The following SHANK2 variants were observed in gnomAD, a reference collection of about 807,000 sequenced individuals.
SHANK2 encodes SH3 and multiple ankyrin repeat domains protein 2.
A neutral mutation model predicts 133.7 loss-of-function variants in SHANK2; 43 were observed. The ratio of observed to expected loss-of-function variants is 0.32; its 90% CI spans 0.25 to 0.41. SHANK2 has a LOEUF of 0.41. Among genes scored for constraint, SHANK2 ranks in the 10% least tolerant of loss-of-function variants. The pLI, the probability that SHANK2 is intolerant of heterozygous loss-of-function variation, is 1.00. For synonymous variants in SHANK2, 1,017 were observed against 952.8 expected (o/e 1.07, Z -1.24); for missense variants, 1,994 against 2,235.8 (o/e 0.89, Z 2.18).
chr11:70,560,634 G>A (rs747392165), intron 17 of SHANK2, among the ~76,000 whole-genome samples: 8 of 150,898 alleles, frequency 5.3e-5, no homozygotes, highest in African/African-American at 1.7e-4. Flanking sequence ...ACTTTTTTTC[G>A]TTTGTTTTTT....
intron 15 of SHANK2, among the ~76,000 whole-genome samples, chr11:70,672,065 T>C (rs1281613455): frequency 7.0e-5 from 9 of 128,244 alleles, no homozygotes; most frequent in South Asian, 2.3e-4. Flanking sequence ...CTTTTCTTTT[T>C]CTTTTTTTTT....
At chr11:70,691,261 C>T (rs916815146) in intron 15 of SHANK2, among the ~76,000 whole-genome samples, 3 of 151,862 alleles carry the variant, frequency 2.0e-5, no homozygotes, top group South Asian at 2.1e-4. Context: ...AGCAGGAGGA[C>T]GAGGAGAAGA....
intron 15 of SHANK2, among the ~76,000 whole-genome samples, chr11:70,695,049 C>G (rs781963782): frequency 6.6e-6 from 1 of 152,112 alleles, no homozygotes; most frequent in African/African-American, 2.4e-5. Flanking sequence ...GGATGAACAA[C>G]GATAATACCA....
At chr11:71,150,655 C>A (rs1369466238) in intron 2 of SHANK2, among the ~76,000 whole-genome samples, 1 of 151,968 alleles carries the variant, frequency 6.6e-6, no homozygotes, top group African/African-American at 2.4e-5. Context: ...TCATGTCCAG[C>A]GCATGTTCTT....
intron 2 of SHANK2, among the ~76,000 whole-genome samples, chr11:71,179,502 C>T (rs1235484120): frequency 6.6e-6 from 1 of 152,184 alleles, no homozygotes; most frequent in Non-Finnish European, 1.5e-5. Flanking sequence ...CAGTGTCCAC[C>T]GTATTTACAT....
At chr11:70,774,342 T>C (rs535167897) in intron 14 of SHANK2, among the ~76,000 whole-genome samples, 17 of 151,482 alleles carry the variant, frequency 1.1e-4, no homozygotes, top group African/African-American at 4.1e-4. Flanking sequence ...TTTTTTGAGA[T>C]GGAGTCTTAC....
chr11:71,093,054 G>GT lies in SHANK2; in HGVS notation c.745-466_745-465insA, dbSNP rs1555094465. 4.9e-5 allele frequency among the ~76,000 whole-genome samples: 7 copies of GT among 141,460 alleles called. 1 individual carries two copies. The highest frequency in any genetic ancestry group is 6.9e-5 in the Admixed American group (1 of 14,472). 92.8% of individuals were successfully genotyped at this position (141,460 alleles called of 152,430 possible). Reference sequence around the variant, plus strand: ...CAAAGCTCAGTCTCAAAAATAAAGGGGGGGGGGGGCAGGTATAACTTTAGA... The same window carrying GT: ...CAAAGCTCAGTCTCAAAAATAAAGGGTGGGGGGGGGCAGGTATAACTTTAGA... On this transcript the variant is annotated intron_variant, in intron 7 of 25. Transcript: ENST00000601538.
intron 3 of SHANK2, among the ~76,000 whole-genome samples, chr11:71,133,374 G>GCTGGCTGGCTGGC (rs1952365783): frequency 1.8e-5 from 1 of 56,694 alleles, no homozygotes; most frequent in African/African-American, 1.0e-4. Flanking sequence ...GGCTGGGTAG[G>GCTGGCTGGCTGGC]TGGGTGGCTG....
intron 17 of SHANK2, among the ~76,000 whole-genome samples, chr11:70,599,877 AAG>A (rs1438235242): frequency 1.0e-5 from 1 of 99,294 alleles, no homozygotes; most frequent in East Asian, 6.5e-4. Context: ...GAAAGAAAGA[AAG>A]AAAGAAAGAA....
chr11:71,187,949 G>T (rs1953708627), intron 2 of SHANK2, among the ~76,000 whole-genome samples: 1 of 152,164 alleles, frequency 6.6e-6, no homozygotes, highest in Admixed American at 6.5e-5. Flanking sequence ...CCTTGGAAAT[G>T]CTCTTCCTAC....
In SHANK2 at chr11:70,622,581, G is replaced by A. The variant is rs373785999; in HGVS notation, c.2061+37247C>T. Among the ~76,000 whole-genome samples, 63 of 152,306 alleles carry A rather than the reference G, an allele frequency of 4.1e-4. No individual in the cohort carries two copies. The East Asian group carries it at 5.6e-3, about 14-fold the overall frequency. ...GCCCTCCCTCAGCTCCAGGGGCTGC[G>A]GCCACCCTGGTGCCCTCCCCTTGGC... On this transcript the variant is annotated intron_variant, in intron 17 of 25. Transcript: ENST00000601538.
At chr11:71,220,028 A>G (rs557843119) in intron 2 of SHANK2, among the ~76,000 whole-genome samples, 1 of 152,248 alleles carries the variant, frequency 6.6e-6, no homozygotes, top group South Asian at 2.1e-4. Context: ...GTTCAAGACC[A>G]GCCTGGACAA....
chr11:70,673,570 G>A lies in SHANK2; in HGVS notation c.1854-11892C>T, dbSNP rs183307435. On this transcript the variant is annotated intron_variant, in intron 15 of 25. Transcript: ENST00000601538. ...AAAACCAGAAATGTCCTCCTCTCCC[G>A]GGAACCAGACTCAGTGTGACAGTCA... is the stretch of plus-strand genomic sequence containing the variant. 3.8e-3 allele frequency among the ~76,000 whole-genome samples: 584 copies of A among 152,346 alleles called. 3 individuals are homozygous for A. The highest frequency in any genetic ancestry group is 0.013 in the African/African-American group (547 of 41,572).
intron 10 of SHANK2, among the ~76,000 whole-genome samples, chr11:70,951,771 C>G (rs1444082251): frequency 1.3e-5 from 2 of 152,236 alleles, no homozygotes; most frequent in East Asian, 1.9e-4. Flanking sequence ...TGCCCACCCC[C>G]ACCCAAAGGC....
intron 17 of SHANK2, among the ~76,000 whole-genome samples, chr11:70,541,017 A>G (rs4980608): frequency 0.45 from 68,333 of 151,844 alleles, 16,068 homozygotes; most frequent in East Asian, 0.81. Flanking sequence ...CTCACCCTCC[A>G]ACTTTCTGTC....
At chr11:71,191,757 C>T (rs534406839) in intron 2 of SHANK2, among the ~76,000 whole-genome samples, 94 of 152,244 alleles carry the variant, frequency 6.2e-4, no homozygotes, top group African/African-American at 2.1e-3. Context: ...CGGAGTTTCA[C>T]CATGTTGGCC....
Position 70,882,078 on chromosome 11 carries a change from T to G in SHANK2, c.1174+14423A>C, listed in dbSNP as rs148729432. Among the ~76,000 whole-genome samples, 105 of 152,048 alleles carry G rather than the reference T, an allele frequency of 6.9e-4. No individual in the cohort carries two copies. The highest frequency in any genetic ancestry group is 1.3e-3 in the Non-Finnish European group (91 of 67,994). On this transcript the variant is annotated intron_variant, in intron 11 of 25. Coordinates refer to ENST00000601538, the MANE Select transcript of SHANK2 (RefSeq NM_012309.5). This position sits in a 1 kb window ranked among gnomAD's most constrained non-coding sequence, Gnocchi z 4.2. ...AGAGGCGGAAAACATCAGTGTGAAT[T>G]CCCCAAGCCCCCAGGGGGACACACT...
intron 17 of SHANK2, among the ~76,000 whole-genome samples, chr11:70,551,077 C>T (rs782311318): frequency 3.9e-5 from 6 of 152,192 alleles, no homozygotes; most frequent in South Asian, 2.1e-4. Context: ...CCACCCCCTC[C>T]GAGACCTCAT....
chr11:71,130,340 G>T (rs192858114), intron 3 of SHANK2, among the ~76,000 whole-genome samples: 1 of 152,320 alleles, frequency 6.6e-6, no homozygotes, highest in Non-Finnish European at 1.5e-5. Context: ...GCGCCGAAAA[G>T]TATCCGGCCT....
Sources: allele counts gnomAD v4.1 joint callset (sites outside exome capture counted in the v4.1 genomes callset), GRCh38; gene constraint gnomAD v4.1.1; non-coding constraint Gnocchi (gnomAD v3.1); transcripts MANE v1.5; gene names NCBI Gene and HGNC (gene_info 2026-07-23, HGNC 2026-07-21).